CERS3: variants seen among roughly 807,000 people sequenced by gnomAD.
The protein encoded by CERS3 is LAG1 homolog, ceramide synthase 3.
CERS3 carries 33 observed loss-of-function variants against 50.3 expected under a neutral mutation model. The ratio of observed to expected loss-of-function variants is 0.66; its 90% CI spans 0.50 to 0.88. CERS3 has a LOEUF of 0.88. Ranked by LOEUF, CERS3 falls within the 40% of genes least tolerant of loss-of-function variation. The pLI is 0.00. For synonymous variants in CERS3, 176 were observed against 155.2 expected (o/e 1.13, Z -0.99); for missense variants, 470 against 460.3 (o/e 1.02, Z -0.19).
At chr15:100,540,412 C>T (rs1385656483) in intron 1 of CERS3, among the ~76,000 whole-genome samples, 1 of 152,182 alleles carries the variant, frequency 6.6e-6, no homozygotes, top group Non-Finnish European at 1.5e-5. Context: ...GGCGTGGTGA[C>T]AGGCGCCCGT....
At chr15:100,465,745 A>T (rs1336543463) in intron 10 of CERS3, among the ~76,000 whole-genome samples, 1 of 148,638 alleles carries the variant, frequency 6.7e-6, no homozygotes, top group Non-Finnish European at 1.5e-5. Context: ...TGCAACCTCC[A>T]CTTCCCAGTT....
intron 11 of CERS3, among the ~76,000 whole-genome samples, chr15:100,432,474 A>G (rs1453813584): frequency 6.6e-6 from 1 of 152,228 alleles, no homozygotes; most frequent in Non-Finnish European, 1.5e-5. Context: ...AGGCTTAATC[A>G]ATTTCAAGCT....
At chr15:100,455,317 G>T (rs1468148117) in intron 11 of CERS3, among the ~76,000 whole-genome samples, 1 of 151,998 alleles carries the variant, frequency 6.6e-6, no homozygotes, top group Non-Finnish European at 1.5e-5. Flanking sequence ...GTGTGTTGGT[G>T]GGGTTGGGAG....
chr15:100,482,503 T>G (rs1264804471), intron 5 of CERS3, among the ~76,000 whole-genome samples: 1 of 152,140 alleles, frequency 6.6e-6, no homozygotes, highest in African/African-American at 2.4e-5. Context: ...TGAGGAGTTC[T>G]CCTACCTGGA....
At chr15:100,535,312 T>C (rs960665096) in intron 1 of CERS3, among the ~76,000 whole-genome samples, 1 of 152,264 alleles carries the variant, frequency 6.6e-6, no homozygotes, top group Non-Finnish European at 1.5e-5. Context: ...TTGCAGGCAT[T>C]ACTGTTCTCT....
chr15:100,507,191 T>A (rs74996117), intron 2 of CERS3, among the ~76,000 whole-genome samples: 17,305 of 152,224 alleles, frequency 0.11, 1,241 homozygotes, highest in Admixed American at 0.21. Flanking sequence ...CTTTAAATTT[T>A]ATGACTTTAT....
At chr15:100,465,070 C>A (rs1287495539) in intron 10 of CERS3, among the ~76,000 whole-genome samples, 1 of 152,084 alleles carries the variant, frequency 6.6e-6, no homozygotes, top group Non-Finnish European at 1.5e-5. Flanking sequence ...CTCAAGGCTT[C>A]CAGACAAATC....
chr15:100,448,697 C>T (rs1009739422), intron 11 of CERS3, among the ~76,000 whole-genome samples: 3 of 152,248 alleles, frequency 2.0e-5, no homozygotes, highest in African/African-American at 7.2e-5. Flanking sequence ...ACTGACATTC[C>T]CCATGTGGGG....
chr15:100,528,028 T>G (rs1376609181), intron 1 of CERS3, among the ~76,000 whole-genome samples: 2 of 152,176 alleles, frequency 1.3e-5, no homozygotes, highest in Non-Finnish European at 2.9e-5. Flanking sequence ...ACTTGAACAT[T>G]GTGGGTTAAT....
intron 9 of CERS3, among the ~76,000 whole-genome samples, chr15:100,471,948 T>A (rs1353446959): frequency 6.6e-6 from 1 of 152,196 alleles, no homozygotes; most frequent in Admixed American, 6.5e-5. Flanking sequence ...TAAGAGGGTA[T>A]TTGAAAAAGC....
intron 4 of CERS3, among the ~76,000 whole-genome samples, chr15:100,489,642 G>A (rs1264678843): frequency 6.6e-6 from 1 of 152,052 alleles, no homozygotes; most frequent in Admixed American, 6.6e-5. Flanking sequence ...TTTAAACACA[G>A]CTAAATAATT....
intron 11 of CERS3, among the ~76,000 whole-genome samples, chr15:100,448,219 G>A (rs1473265154): frequency 1.3e-5 from 2 of 152,142 alleles, no homozygotes; most frequent in African/African-American, 4.8e-5. Context: ...TAGAGGCATC[G>A]GGTACATGCC....
intron 11 of CERS3, 136 bp from the exon 12 acceptor site, chr15:100,403,001 T>C (rs1369658242): frequency 1.8e-5 from 15 of 839,562 alleles, no homozygotes; most frequent in Non-Finnish European, 2.5e-5. Flanking sequence ...TTCACCAAGA[T>C]TGACTATATC....
intron 11 of CERS3, among the ~76,000 whole-genome samples, chr15:100,436,334 A>G (rs1384868742): frequency 1.3e-5 from 2 of 152,230 alleles, no homozygotes; most frequent in African/African-American, 4.8e-5. Context: ...AACGTGGATG[A>G]AGCTGGAAAC....
chr15:100,446,364 G>GTTTTT (rs11449303), intron 11 of CERS3, among the ~76,000 whole-genome samples: 2 of 128,536 alleles, frequency 1.6e-5, no homozygotes. Flanking sequence ...AACTTCTCAG[G>GTTTTT]TTTTTTTTTT....
intron 11 of CERS3, among the ~76,000 whole-genome samples, chr15:100,438,332 A>T (rs754351524): frequency 5.3e-5 from 8 of 152,060 alleles, no homozygotes; most frequent in Non-Finnish European, 8.8e-5. Flanking sequence ...GTCATAAGCC[A>T]CTGTGCCCGG....
At chr15:100,540,510 C>T (rs1171825324) in intron 1 of CERS3, among the ~76,000 whole-genome samples, 1 of 152,188 alleles carries the variant, frequency 6.6e-6, no homozygotes, top group Non-Finnish European at 1.5e-5. Flanking sequence ...TGCCATTGCA[C>T]TCCAGCCTGG....
chr15:100,501,334 C>T (rs1375682252), intron 3 of CERS3, among the ~76,000 whole-genome samples: 3 of 152,194 alleles, frequency 2.0e-5, no homozygotes, highest in Non-Finnish European at 4.4e-5. Context: ...TCTGGGAATG[C>T]ACATGCATTG....
At chr15:100,511,397 T>C (rs2036334641) in intron 2 of CERS3, among the ~76,000 whole-genome samples, 1 of 152,226 alleles carries the variant, frequency 6.6e-6, no homozygotes. Context: ...AGAACTTCTA[T>C]AACTCAATTT....
Sources: allele counts gnomAD v4.1 joint callset (sites outside exome capture counted in the v4.1 genomes callset), GRCh38; gene constraint gnomAD v4.1.1; transcripts MANE v1.5; gene names NCBI Gene and HGNC (gene_info 2026-07-23, HGNC 2026-07-21).